Variants in ROBO2 observed in about 807,000 individuals in gnomAD.
ROBO2 encodes the protein roundabout guidance receptor 2.
Under a neutral mutation model 160.8 loss-of-function variants are expected in ROBO2, and 53 were observed. The ratio of observed to expected loss-of-function variants is 0.33; its 90% CI spans 0.26 to 0.41. The LOEUF (loss-of-function observed/expected upper bound fraction) is 0.41, where lower values mean the gene tolerates loss of function less well. ROBO2 is among the 10% of genes least tolerant of loss of function. The pLI, the probability that ROBO2 is intolerant of heterozygous loss-of-function variation, is 1.00. For missense variants in ROBO2, 1,577 were observed against 1,722.4 expected, an observed-to-expected ratio of 0.92 and a Z score of 1.49; for synonymous variants, 664 against 611.7, an observed-to-expected ratio of 1.09 and a Z score of -1.26.
At chr3:77,090,107 C>G (rs529459698) in intron 1 of ROBO2, among the ~76,000 whole-genome samples, 1 of 152,008 alleles carries the variant, frequency 6.6e-6, no homozygotes, top group African/African-American at 2.4e-5. Context: ...ATGTATCAAG[C>G]AATAAAACAT....
intron 2 of ROBO2, among the ~76,000 whole-genome samples, chr3:77,253,559 C>T (rs2153310785): frequency 6.6e-6 from 1 of 152,012 alleles, no homozygotes; most frequent in South Asian, 2.1e-4. Context: ...CAAAGTTTTC[C>T]CTAGGTGGGA....
chr3:77,396,652 G>A (rs968093599), intron 2 of ROBO2, among the ~76,000 whole-genome samples: 3 of 152,094 alleles, frequency 2.0e-5, no homozygotes, highest in Non-Finnish European at 4.4e-5. Flanking sequence ...ATTAGACCCT[G>A]TCATGGTTAG....
At chr3:77,387,852 T>A (rs2074296448) in intron 2 of ROBO2, among the ~76,000 whole-genome samples, 2 of 152,196 alleles carry the variant, frequency 1.3e-5, no homozygotes. Context: ...ACCTTGTAGA[T>A]TCAGTAATGT....
intron 2 of ROBO2, among the ~76,000 whole-genome samples, chr3:76,391,607 C>A (rs142798804): frequency 6.6e-6 from 1 of 151,954 alleles, no homozygotes; most frequent in Non-Finnish European, 1.5e-5. Flanking sequence ...CTGCAGCCTC[C>A]GCCTCCCAGG....
intron 2 of ROBO2, among the ~76,000 whole-genome samples, chr3:77,420,227 A>G (rs1179111495): frequency 6.6e-6 from 1 of 151,672 alleles, no homozygotes; most frequent in Middle Eastern, 3.2e-3. Context: ...GTATTAAGTA[A>G]ATATTTAAGG....
intron 2 of ROBO2, among the ~76,000 whole-genome samples, chr3:77,356,797 G>T (rs1446342850): frequency 2.0e-5 from 3 of 152,086 alleles, no homozygotes; most frequent in South Asian, 4.1e-4. Context: ...AAAATATAAA[G>T]TATATATGAC....
At chr3:75,964,923 G>T in intron 2 of ROBO2, 1 of 151,418 alleles carries the variant, frequency 6.6e-6, no homozygotes, top group Non-Finnish European at 1.5e-5. Context: ...CCAGAATAGT[G>T]GTTGTACTAT....
At chr3:76,057,462 T>C (rs2107851341) in intron 2 of ROBO2, among the ~76,000 whole-genome samples, 1 of 152,362 alleles carries the variant, frequency 6.6e-6, no homozygotes, top group South Asian at 2.1e-4. Context: ...CTATATTTAC[T>C]TTATAAACAT....
At chr3:77,219,388 A>T (rs1172029688) in intron 2 of ROBO2, among the ~76,000 whole-genome samples, 1 of 142,526 alleles carries the variant, frequency 7.0e-6, no homozygotes, top group Non-Finnish European at 1.5e-5. Context: ...GCTTTATTTT[A>T]TGTGTAAAAT....
intron 2 of ROBO2, among the ~76,000 whole-genome samples, chr3:76,954,480 C>T (rs1211438548): frequency 6.6e-6 from 1 of 152,170 alleles, no homozygotes. Context: ...ATATTTCTCG[C>T]ATTACTTCTA....
At chr3:76,775,167 A>G (rs2062162690) in intron 2 of ROBO2, among the ~76,000 whole-genome samples, 1 of 150,754 alleles carries the variant, frequency 6.6e-6, no homozygotes, top group African/African-American at 2.4e-5. Flanking sequence ...TTATGTAGCT[A>G]CATATGTAGT....
chr3:77,604,332 T>A (rs980674376), intron 20 of ROBO2, among the ~76,000 whole-genome samples: 2 of 152,180 alleles, frequency 1.3e-5, no homozygotes, highest in African/African-American at 4.8e-5. Flanking sequence ...GGGCTTCCTT[T>A]TTATTTCATT....
chr3:76,118,264 G>A (rs897769042), intron 2 of ROBO2, among the ~76,000 whole-genome samples: 4 of 152,124 alleles, frequency 2.6e-5, no homozygotes, highest in African/African-American at 9.7e-5. Flanking sequence ...AGAGAGACAA[G>A]GTCAGTCTTA....
intron 1 of ROBO2, among the ~76,000 whole-genome samples, chr3:77,059,763 G>A (rs1578613506): frequency 2.6e-5 from 4 of 152,164 alleles, no homozygotes; most frequent in African/African-American, 7.2e-5. Flanking sequence ...CACTGTCTTG[G>A]CTGGGTTGTC....
rs558909418 is a variant in ROBO2, at chr3:76,848,661, G to A, written c.110-249353G>A. On this transcript the variant is annotated intron_variant, in intron 2 of 26. Coordinates refer to the ROBO2 transcript ENST00000487694. ...GACCCTGTGTCTTGTGAGGACCCAC[G>A]TCCTGATGTCACCTCCTTGCTGTGT... Among the ~76,000 whole-genome samples, 5 of 152,302 alleles carry A rather than the reference G, an allele frequency of 3.3e-5. No individual in the cohort carries two copies. The East Asian group carries it at 7.7e-4, about 24-fold the overall frequency.
intron 2 of ROBO2, among the ~76,000 whole-genome samples, chr3:76,210,307 A>C (rs1703063577): frequency 6.6e-6 from 1 of 152,052 alleles, no homozygotes; most frequent in Non-Finnish European, 1.5e-5. Flanking sequence ...AGCTATCTCA[A>C]CTTCTAAACT....
intron 8 of ROBO2, among the ~76,000 whole-genome samples, chr3:77,553,325 T>C (rs2092990352): frequency 6.6e-6 from 1 of 151,926 alleles, no homozygotes; most frequent in Admixed American, 6.6e-5. Context: ...CCCACTGGTT[T>C]CTTTACCCCT....
At chr3:77,527,686 T>C (rs1473362406) in intron 6 of ROBO2, among the ~76,000 whole-genome samples, 1 of 151,548 alleles carries the variant, frequency 6.6e-6, no homozygotes, top group Admixed American at 6.6e-5. Context: ...GCTTTTCTTA[T>C]AGGAGAAAAA....
chr3:77,223,935 T>C (rs528544599), intron 2 of ROBO2, among the ~76,000 whole-genome samples: 5 of 152,176 alleles, frequency 3.3e-5, no homozygotes, highest in Admixed American at 2.0e-4. Context: ...TATATCTTAT[T>C]TGTGTGTGTC....
Sources: allele counts gnomAD v4.1 joint callset (sites outside exome capture counted in the v4.1 genomes callset), GRCh38; gene constraint gnomAD v4.1.1; transcripts MANE v1.5; gene names NCBI Gene and HGNC (gene_info 2026-07-23, HGNC 2026-07-21).